The following UNC5B variants were observed in gnomAD, a reference collection of about 807,000 sequenced individuals.
UNC5B encodes unc-5 netrin receptor B, also known as netrin receptor UNC5B.
Under a neutral mutation model 103.7 loss-of-function variants are expected in UNC5B, and 56 were observed. The observed-to-expected ratio is 0.54, with a 90% CI of 0.44 to 0.67. The LOEUF is 0.67. Ranked by LOEUF, UNC5B falls within the 30% of genes least tolerant of loss-of-function variation. The probability of loss-of-function intolerance (pLI) is 0.00; values close to 1 mark genes in which losing one functional copy is unlikely to be tolerated. For synonymous variants in UNC5B, 577 were observed against 542.0 expected (o/e 1.06, Z -0.90); for missense variants, 1,194 against 1,284.5 (o/e 0.93, Z 1.08).
intron 1 of UNC5B, among the ~76,000 whole-genome samples, chr10:71,239,458 AG>A (rs1199680786): frequency 6.6e-6 from 1 of 152,054 alleles, no homozygotes; most frequent in African/African-American, 2.4e-5. Context: ...CTGAGCAGTT[AG>A]GGGCTCCTCA....
intron 1 of UNC5B, among the ~76,000 whole-genome samples, chr10:71,248,398 G>A (rs538943352): frequency 7.0e-4 from 104 of 148,530 alleles, no homozygotes; most frequent in Non-Finnish European, 2.1e-4. Flanking sequence ...ATGAGCTAGC[G>A]GGAGGCAGGG....
chr10:71,283,870 GC>G (rs1844993919), intron 2 of UNC5B, among the ~76,000 whole-genome samples: 1 of 152,162 alleles, frequency 6.6e-6, no homozygotes, highest in Non-Finnish European at 1.5e-5. Flanking sequence ...TCAGCTCCAG[GC>G]CCACAGGGCC....
chr10:71,279,406 C>T (rs887647051), intron 1 of UNC5B, among the ~76,000 whole-genome samples: 2 of 152,224 alleles, frequency 1.3e-5, no homozygotes, highest in South Asian at 4.1e-4. Flanking sequence ...GCCCCGTTTC[C>T]AGCCCATTGC....
chr10:71,230,120 G>C (rs1843654263), intron 1 of UNC5B, among the ~76,000 whole-genome samples: 1 of 152,166 alleles, frequency 6.6e-6, no homozygotes, highest in Non-Finnish European at 1.5e-5. Context: ...AGCTGAGAAA[G>C]ATTAAGAAAA....
chr10:71,274,764 G>A (rs910077232), intron 1 of UNC5B, among the ~76,000 whole-genome samples: 11 of 152,090 alleles, frequency 7.2e-5, no homozygotes, highest in African/African-American at 2.4e-4. Context: ...ATGGTTAGGC[G>A]AGCCCAACAG....
In UNC5B at chr10:71,293,870, C is replaced by T. The variant is rs193018238; in HGVS notation, c.2112C>T (p.Leu704=). Residue 704 remains leucine (L), a synonymous_variant, in exon 13 of 17, where the codon CTC becomes CTT. Transcript: ENST00000335350. ...AGCTGGCCGTCTTCGCCCCCGCCCTCTGCACCTCCCTGGAGTACAGCCTCC... is the reference window on the plus strand; with the variant it reads ...AGCTGGCCGTCTTCGCCCCCGCCCTTTGCACCTCCCTGGAGTACAGCCTCC... ...RLQLAVFAPA[L]CTSLEYSLRV... The T allele has an allele frequency of 5.0e-6, 8 of 1,608,024 alleles. No individual in the cohort carries two copies. The East Asian group carries it at 1.6e-4, about 31-fold the overall frequency.
intron 1 of UNC5B, among the ~76,000 whole-genome samples, chr10:71,241,302 G>GC (rs561470068): frequency 1.0e-3 from 159 of 152,164 alleles, no homozygotes; most frequent in African/African-American, 3.5e-3. Flanking sequence ...AGTGCCGAAG[G>GC]CCCCCCCAGA....
chr10:71,215,112 T>G (rs1843305066), intron 1 of UNC5B, among the ~76,000 whole-genome samples: 1 of 152,226 alleles, frequency 6.6e-6, no homozygotes, highest in Non-Finnish European at 1.5e-5. Flanking sequence ...AATCTTGTTT[T>G]TCTCTAATGC....
intron 1 of UNC5B, among the ~76,000 whole-genome samples, chr10:71,279,316 C>A (rs930959115): frequency 6.6e-6 from 1 of 152,198 alleles, no homozygotes; most frequent in South Asian, 2.1e-4. Context: ...AGCCCTGGCT[C>A]CTGTCCCGCT....
At chr10:71,292,065 GTC>G (rs1845278751) in intron 10 of UNC5B, among the ~76,000 whole-genome samples, 1 of 152,210 alleles carries the variant, frequency 6.6e-6, no homozygotes, top group Admixed American at 6.5e-5. Flanking sequence ...AAGCTTCAGT[GTC>G]TCTGTTGTGT....
intron 1 of UNC5B, among the ~76,000 whole-genome samples, chr10:71,239,245 T>C (rs950797962): frequency 6.6e-6 from 1 of 152,094 alleles, no homozygotes; most frequent in Non-Finnish European, 1.5e-5. Context: ...TTGGGGGTAG[T>C]GGGGCAGGTT....
intron 1 of UNC5B, among the ~76,000 whole-genome samples, chr10:71,268,700 G>A (rs764086298): frequency 6.6e-6 from 1 of 152,204 alleles, no homozygotes; most frequent in Non-Finnish European, 1.5e-5. Flanking sequence ...GGGGAAATTT[G>A]TGTGCCCTTG....
chr10:71,275,664 A>G (rs1273460146), intron 1 of UNC5B, among the ~76,000 whole-genome samples: 3 of 152,100 alleles, frequency 2.0e-5, no homozygotes, highest in African/African-American at 7.2e-5. Context: ...TTTTGGTCTC[A>G]GTTTCCTCAT....
chr10:71,234,783 G>A (rs1249135553), intron 1 of UNC5B, among the ~76,000 whole-genome samples: 2 of 152,208 alleles, frequency 1.3e-5, no homozygotes, highest in Non-Finnish European at 2.9e-5. Context: ...TGCTGGGTCT[G>A]GGGGCCCTGC....
chr10:71,284,931 G>A (rs1845031932), intron 3 of UNC5B, 68 bp downstream of exon 3: 2 of 1,524,276 alleles, frequency 1.3e-6, no homozygotes, highest in Non-Finnish European at 1.8e-6. Flanking sequence ...GCTGGAGAGG[G>A]AACTTCACAT....
intron 8 of UNC5B, among the ~76,000 whole-genome samples, chr10:71,290,331 C>G (rs1845214254): frequency 1.3e-5 from 2 of 152,148 alleles, no homozygotes; most frequent in Admixed American, 6.5e-5. Flanking sequence ...GGGTTGCCTC[C>G]CTGGGCCCAT....
At chr10:71,298,159 G>C in intron 16 of UNC5B, 69 bp downstream of exon 16, 1 of 1,507,080 alleles carries the variant, frequency 6.6e-7, no homozygotes, top group Non-Finnish European at 8.9e-7. Context: ...GGCAGGCAGG[G>C]CAGGCAGCCT....
chr10:71,289,102 A>T (rs1589197109), intron 8 of UNC5B, 112 bp downstream of exon 8: 7 of 1,405,098 alleles, frequency 5.0e-6, no homozygotes, highest in African/African-American at 2.9e-5. Context: ...GTGCCTACCC[A>T]CCCCCCACGG....
intron 1 of UNC5B, among the ~76,000 whole-genome samples, chr10:71,231,209 A>G (rs12358694): frequency 0.43 from 65,842 of 152,016 alleles, 14,607 homozygotes; most frequent in African/African-American, 0.48. Context: ...TGTGACACCC[A>G]CTGGCCTCTT....
Sources: gnomAD v4.1 joint callset for allele counts (sites outside exome capture counted in the v4.1 genomes callset) on GRCh38, gnomAD v4.1.1 for gene constraint, MANE v1.5 for transcripts, NCBI Gene and HGNC (gene_info 2026-07-23, HGNC 2026-07-21) for gene names.